SPIDR: variants seen among roughly 807,000 people sequenced by gnomAD.
The protein encoded by SPIDR is DNA repair-scaffolding protein.
A neutral mutation model predicts 104.6 loss-of-function variants in SPIDR; 93 were observed. The ratio of observed to expected loss-of-function variants is 0.89; its 90% CI spans 0.75 to 1.06. SPIDR has a LOEUF of 1.06. Among genes scored for constraint, SPIDR ranks in the 50% least tolerant of loss-of-function variants. The pLI is 0.00. For missense variants in SPIDR, 1,154 were observed against 1,111.2 expected (o/e 1.04, Z -0.55); for synonymous variants, 431 against 416.9 (o/e 1.03, Z -0.41).
intron 8 of SPIDR, among the ~76,000 whole-genome samples, chr8:47,550,757 T>A (rs928533656): frequency 6.6e-6 from 1 of 152,220 alleles, no homozygotes; most frequent in Admixed American, 6.5e-5. Flanking sequence ...GAATACCCTT[T>A]ATTTCTTTCT....
Position 47,341,057 on chromosome 8 carries a change from G to T in SPIDR, c.525+47027G>T, listed in dbSNP as rs936510743. Among the ~76,000 whole-genome samples, 4 of 152,212 alleles carry T rather than the reference G, an allele frequency of 2.6e-5. No homozygotes were observed. The South Asian group carries it at 8.3e-4, about 32-fold the overall frequency. On this transcript the variant is annotated intron_variant, in intron 5 of 19. Transcript: ENST00000297423. ...GCCCCTCTGTAGCCAGTCAGCTTGG[G>T]GGGGATGCCCGTTCCTGAGACTGAC...
chr8:47,500,510 T>G (rs1162607395), intron 8 of SPIDR, among the ~76,000 whole-genome samples: 1 of 152,316 alleles, frequency 6.6e-6, no homozygotes, highest in East Asian at 1.9e-4. Context: ...TTCTTGTAAA[T>G]TTGTTTGAGT....
chr8:47,520,877 A>T (rs1007640466), intron 8 of SPIDR, among the ~76,000 whole-genome samples: 31 of 152,200 alleles, frequency 2.0e-4, no homozygotes, highest in African/African-American at 7.2e-4. Context: ...AACAAACTGG[A>T]TGAGGCTCAA....
intron 5 of SPIDR, among the ~76,000 whole-genome samples, chr8:47,388,982 G>A (rs1393590365): frequency 6.6e-6 from 1 of 152,178 alleles, no homozygotes; most frequent in African/African-American, 2.4e-5. Flanking sequence ...CCTCATGCCA[G>A]TGTTGTTGTT....
chr8:47,563,727 A>C (rs1464545493), intron 8 of SPIDR, among the ~76,000 whole-genome samples: 5 of 152,214 alleles, frequency 3.3e-5, no homozygotes, highest in Admixed American at 2.6e-4. Context: ...CATTGTCTCT[A>C]AGGTGATCTA....
chr8:47,563,234 G>A (rs768128150), intron 8 of SPIDR, among the ~76,000 whole-genome samples: 4 of 151,726 alleles, frequency 2.6e-5, no homozygotes, highest in South Asian at 2.1e-4. Flanking sequence ...CAGTGGCCCC[G>A]TCAGGGCTCA....
intron 5 of SPIDR, among the ~76,000 whole-genome samples, chr8:47,394,140 C>G (rs180911636): frequency 6.4e-4 from 97 of 152,312 alleles, no homozygotes; most frequent in Middle Eastern, 6.8e-3. Flanking sequence ...CTCCTGGCCT[C>G]AAGTGATCTG....
At chr8:47,472,950 C>T (rs1032237356) in intron 8 of SPIDR, among the ~76,000 whole-genome samples, 3 of 152,312 alleles carry the variant, frequency 2.0e-5, no homozygotes, top group African/African-American at 7.2e-5. Flanking sequence ...TCTTTCCTTT[C>T]TGGCCGTGGT....
intron 10 of SPIDR, among the ~76,000 whole-genome samples, chr8:47,633,031 G>A (rs1368975902): frequency 2.0e-5 from 3 of 152,176 alleles, no homozygotes; most frequent in African/African-American, 7.2e-5. Flanking sequence ...CACATTCTGT[G>A]CTCAGTAGAA....
chr8:47,466,411 C>T (rs1253355279), intron 8 of SPIDR, among the ~76,000 whole-genome samples: 1 of 152,104 alleles, frequency 6.6e-6, no homozygotes, highest in Non-Finnish European at 1.5e-5. Flanking sequence ...GTAATCTGCT[C>T]CTGAATGATT....
At chr8:47,423,601 G>GA (rs565130746) in intron 7 of SPIDR, among the ~76,000 whole-genome samples, 17 of 149,494 alleles carry the variant, frequency 1.1e-4, no homozygotes, top group Non-Finnish European at 1.8e-4. Context: ...GACCCTGTCT[G>GA]AAAAAAAAAT....
intron 1 of SPIDR, among the ~76,000 whole-genome samples, chr8:47,262,826 G>T (rs2032850705): frequency 6.6e-6 from 1 of 152,116 alleles, no homozygotes; most frequent in African/African-American, 2.4e-5. Context: ...GTCTCCCTCG[G>T]TCAGTCTCAA....
chr8:47,262,063 A>G (rs554616538), intron 1 of SPIDR, among the ~76,000 whole-genome samples: 6 of 152,250 alleles, frequency 3.9e-5, no homozygotes, highest in African/African-American at 9.6e-5. Context: ...TGTTCGTGCC[A>G]TGTTCTAATT....
intron 8 of SPIDR, among the ~76,000 whole-genome samples, chr8:47,461,970 T>TG (rs1357440748): frequency 3.3e-5 from 5 of 151,972 alleles, no homozygotes; most frequent in African/African-American, 9.7e-5. Flanking sequence ...GTGTGATTTT[T>TG]GGGGGGTGTT....
chr8:47,626,578 G>C (rs2066157375), intron 10 of SPIDR, among the ~76,000 whole-genome samples: 1 of 152,176 alleles, frequency 6.6e-6, no homozygotes, highest in Non-Finnish European at 1.5e-5. Context: ...AATGGGCGAA[G>C]GATATGAACA....
chr8:47,712,347 A>G (rs2082002671), intron 14 of SPIDR, among the ~76,000 whole-genome samples: 1 of 152,198 alleles, frequency 6.6e-6, no homozygotes, highest in Admixed American at 6.5e-5. Flanking sequence ...GTTGTAATTA[A>G]CATTCTAAGT....
chr8:47,658,171 C>T (rs2073277678), intron 10 of SPIDR, among the ~76,000 whole-genome samples: 1 of 152,080 alleles, frequency 6.6e-6, no homozygotes, highest in Admixed American at 6.5e-5. Context: ...GTAATCCCAG[C>T]ACTTTGGGAG....
intron 7 of SPIDR, among the ~76,000 whole-genome samples, chr8:47,426,717 C>T (rs1563942998): frequency 6.6e-6 from 1 of 152,150 alleles, no homozygotes; most frequent in Non-Finnish European, 1.5e-5. Flanking sequence ...ATCCGCCTCA[C>T]CAGAAGGGAA....
chr8:47,565,320 A>G (rs141996318), intron 8 of SPIDR, among the ~76,000 whole-genome samples: 56 of 152,314 alleles, frequency 3.7e-4, no homozygotes, highest in Non-Finnish European at 6.6e-4. Context: ...ACATGCATGC[A>G]TTGGGCAGTA....
Sources: gnomAD v4.1 joint callset for allele counts (sites outside exome capture counted in the v4.1 genomes callset) on GRCh38, gnomAD v4.1.1 for gene constraint, MANE v1.5 for transcripts, NCBI Gene and HGNC (gene_info 2026-07-23, HGNC 2026-07-21) for gene names.